Variants in SIAH3 observed in about 807,000 individuals in gnomAD.
The protein encoded by SIAH3 is siah E3 ubiquitin protein ligase family member 3.
Under a neutral mutation model 12.6 loss-of-function variants are expected in SIAH3, and 9 were observed. That is an observed-to-expected ratio of 0.72 (90% CI 0.43 to 1.25). The LOEUF is 1.25. Among genes scored for constraint, SIAH3 ranks in the 50% most tolerant of loss-of-function variants. The pLI is 0.00. For missense variants in SIAH3, 390 were observed against 365.4 expected, an observed-to-expected ratio of 1.07 and a Z score of -0.55; for synonymous variants, 154 against 151.1, an observed-to-expected ratio of 1.02 and a Z score of -0.14.
At chr13:45,822,565 G>A (rs1404563424) in intron 1 of SIAH3, among the ~76,000 whole-genome samples, 1 of 85,370 alleles carries the variant, frequency 1.2e-5, no homozygotes, top group Non-Finnish European at 2.4e-5. Context: ...ATTAGACTAG[G>A]GAACAGGCAA....
In SIAH3 at chr13:45,783,939, G is replaced by T; in HGVS notation, c.254C>A (p.Ala85Asp). Reference protein sequence around the residue: ...HRHHHHLRHHAHPHHLHHQEA... With the variant: ...HRHHHHLRHHDHPHHLHHQEA... ...CTGGTGGTGAAGGTGGTGGGGGTGG[G>T]CGTGGTGGCGGAGGTGGTGGTGGTG... Residue 85 changes from alanine (A) to aspartate (D), a missense_variant, in exon 2 of 2, where the codon GCC (alanine) becomes GAC (aspartate). Ala to Asp is a moderately radical substitution (Grantham distance 126). Transcript: ENST00000400405. 1.2e-6 allele frequency: 2 copies of T among 1,607,566 alleles called. No homozygotes were observed. Among genetic ancestry groups the T allele is most frequent in the Non-Finnish European group, 1.7e-6 (2 of 1,177,320 alleles).
intron 1 of SIAH3, among the ~76,000 whole-genome samples, chr13:45,836,370 T>C (rs572783107): frequency 5.9e-5 from 9 of 152,292 alleles, no homozygotes; most frequent in Admixed American, 3.3e-4. Flanking sequence ...TGGAATACTA[T>C]GCAGCTGTAA....
At chr13:45,840,763 C>T (rs1352298712) in intron 1 of SIAH3, among the ~76,000 whole-genome samples, 2 of 152,180 alleles carry the variant, frequency 1.3e-5, no homozygotes, top group Admixed American at 6.5e-5. Context: ...AATATTAATC[C>T]TAAGGCCAAG....
intron 1 of SIAH3, among the ~76,000 whole-genome samples, chr13:45,786,033 A>G (rs1420586042): frequency 2.0e-5 from 3 of 152,212 alleles, no homozygotes; most frequent in Non-Finnish European, 4.4e-5. Context: ...CACAGAAAAG[A>G]TCAATTTCCT....
At chr13:45,784,398 GTTTTTT>G (rs35686357) in intron 1 of SIAH3, among the ~76,000 whole-genome samples, 5 of 65,802 alleles carry the variant, frequency 7.6e-5, no homozygotes, top group Admixed American at 1.8e-4. Context: ...AAAGACAGCT[GTTTTTT>G]TTTTTTTTTT....
intron 1 of SIAH3, among the ~76,000 whole-genome samples, chr13:45,818,392 C>T (rs531506362): frequency 7.2e-5 from 11 of 152,156 alleles, no homozygotes; most frequent in Admixed American, 6.5e-4. Context: ...ATAATGACTT[C>T]TAAAGAGATC....
At chr13:45,801,486 CG>C (rs1950582342) in intron 1 of SIAH3, among the ~76,000 whole-genome samples, 2 of 152,088 alleles carry the variant, frequency 1.3e-5, no homozygotes, top group Non-Finnish European at 2.9e-5. Flanking sequence ...GTAAGAAAGA[CG>C]GAAGGAGTTT....
chr13:45,851,421 C>A (rs147321060), intron 1 of SIAH3, 74 bp downstream of exon 1: 2 of 1,593,736 alleles, frequency 1.3e-6, no homozygotes, highest in Admixed American at 1.7e-5. Context: ...ACACGTTCGC[C>A]GGAGGGTCGC....
At position 45,778,126 on chromosome 13, in the gene SIAH3, C is replaced by T. The variant is rs917722218; in HGVS notation, c.*5257G>A. On this transcript the variant is annotated 3_prime_UTR_variant, in exon 2 of 2. Transcript: ENST00000400405. ...GCTCATTATGTTTTCTGTCCCTCAG[C>T]TTCATGCTTTACGGGGGTCCCACTT... is the stretch of plus-strand genomic sequence containing the variant. 8 of 152,182 alleles carry T rather than the reference C, an allele frequency of 5.3e-5. No homozygotes were observed. The highest frequency in any genetic ancestry group is 1.9e-4 in the African/African-American group (8 of 41,430). 9.4% of individuals were successfully genotyped at this position (152,182 alleles called of 1,614,324 possible).
At chr13:45,827,407 AT>A (rs1950682783) in intron 1 of SIAH3, among the ~76,000 whole-genome samples, 1 of 152,192 alleles carries the variant, frequency 6.6e-6, no homozygotes, top group South Asian at 2.1e-4. Context: ...CCAGGCTGTG[AT>A]TTGTAAGAAA....
intron 1 of SIAH3, among the ~76,000 whole-genome samples, chr13:45,796,123 G>A (rs1025590595): frequency 1.3e-5 from 2 of 152,188 alleles, no homozygotes; most frequent in African/African-American, 4.8e-5. Flanking sequence ...AATATAACTC[G>A]TGGTCTGGAT....
Position 45,783,458 on chromosome 13 carries a change from G to A in SIAH3, c.735C>T (p.Phe245=). 6.2e-7 allele frequency: 1 copy of A among 1,614,166 alleles called. No individual in the cohort carries two copies. Residue 245 remains phenylalanine (F), a synonymous_variant, in exon 2 of 2, where the codon TTC becomes TTT. Coordinates refer to ENST00000400405, the MANE Select transcript of SIAH3 (RefSeq NM_198849.3). The part of the protein sequence containing the change: ...LVLNTSLAQL[F]SDNGSLAIGI... ...CAATGGCAAGGCTGCCGTTGTCAGA[G>A]AAGAGCTGTGCCAGCGAGGTGTTGA...
At chr13:45,837,572 TGAAGGAAG>T (rs368357109) in intron 1 of SIAH3, among the ~76,000 whole-genome samples, 1 of 104,490 alleles carries the variant, frequency 9.6e-6, no homozygotes, top group Non-Finnish European at 2.0e-5. Context: ...AAGGAAGGAA[TGAAGGAAG>T]GAAGGAAGGA....
intron 1 of SIAH3, among the ~76,000 whole-genome samples, chr13:45,797,463 C>T (rs748401805): frequency 3.3e-5 from 5 of 152,188 alleles, no homozygotes; most frequent in East Asian, 1.9e-4. Flanking sequence ...ACAGCTTCAA[C>T]GGATCCAAAG....
intron 1 of SIAH3, among the ~76,000 whole-genome samples, chr13:45,831,960 G>T (rs1187884150): frequency 6.6e-6 from 1 of 152,204 alleles, no homozygotes; most frequent in Non-Finnish European, 1.5e-5. Context: ...ATCCCACCTT[G>T]GTTGGTTGGC....
chr13:45,801,712 C>G (rs1441786459), intron 1 of SIAH3, among the ~76,000 whole-genome samples: 1 of 152,190 alleles, frequency 6.6e-6, no homozygotes, highest in East Asian at 1.9e-4. Flanking sequence ...CTTGAACCAT[C>G]ATTTCAGCAT....
Position 45,784,052 on chromosome 13 carries a change from C to CA in SIAH3, c.140dup (p.Ser48ValfsTer85). 1 of 1,577,988 alleles carries CA rather than the reference C, an allele frequency of 6.3e-7. No homozygotes were observed. The highest frequency in any genetic ancestry group is 8.6e-7 in the Non-Finnish European group (1 of 1,162,284). On this transcript the variant is annotated frameshift_variant, in exon 2 of 2. Coordinates refer to ENST00000400405, the MANE Select transcript of SIAH3 (RefSeq NM_198849.3). LOFTEE classifies it high-confidence loss of function. ...TCTGAGTGACGGCGCGCCGACTGGA[C>CA]ACATACTGTAAGGAAAGAGAAGAAC...
intron 1 of SIAH3, among the ~76,000 whole-genome samples, chr13:45,795,254 C>T (rs1370066070): frequency 6.6e-6 from 1 of 152,138 alleles, no homozygotes; most frequent in Non-Finnish European, 1.5e-5. Flanking sequence ...GAAGCTCACT[C>T]CCAGAGATAC....
intron 1 of SIAH3, among the ~76,000 whole-genome samples, chr13:45,806,527 G>A (rs971853974): frequency 2.6e-5 from 4 of 152,084 alleles, no homozygotes; most frequent in Non-Finnish European, 4.4e-5. Context: ...GAGTACACAC[G>A]CATATAAAGA....
Sources: gnomAD v4.1 joint callset for allele counts (sites outside exome capture counted in the v4.1 genomes callset) on GRCh38, gnomAD v4.1.1 for gene constraint, MANE v1.5 for transcripts, NCBI Gene and HGNC (gene_info 2026-07-23, HGNC 2026-07-21) for gene names.